Variants in ANK3 observed in about 807,000 individuals in gnomAD.
ANK3 encodes the protein ankyrin 3, also known as ankyrin-3.
A neutral mutation model predicts 370.9 loss-of-function variants in ANK3; 57 were observed. That is an observed-to-expected ratio of 0.15 (90% CI 0.12 to 0.19). ANK3 has a LOEUF of 0.19. Among genes scored for constraint, ANK3 ranks in the 10% least tolerant of loss-of-function variants. The pLI, the probability that ANK3 is intolerant of heterozygous loss-of-function variation, is 1.00. For synonymous variants in ANK3, 1,929 were observed against 1,946.3 expected (o/e 0.99, Z 0.23); for missense variants, 4,439 against 5,302.1 (o/e 0.84, Z 5.06).
At chr10:60,238,765 A>G (rs1156763321) in intron 7 of ANK3, among the ~76,000 whole-genome samples, 1 of 152,032 alleles carries the variant, frequency 6.6e-6, no homozygotes, top group African/African-American at 2.4e-5. Context: ...ACTCAGCTCA[A>G]CTCCTGCCAA....
chr10:60,441,716 C>T (rs2064303690), intron 2 of ANK3, among the ~76,000 whole-genome samples: 1 of 152,110 alleles, frequency 6.6e-6, no homozygotes, highest in Admixed American at 6.5e-5. Context: ...ACAACACTTC[C>T]CTCTAGTGTT....
At chr10:60,251,277 G>A (rs111845347) in intron 7 of ANK3, among the ~76,000 whole-genome samples, 2 of 152,074 alleles carry the variant, frequency 1.3e-5, no homozygotes, top group Admixed American at 1.3e-4. Flanking sequence ...CGCTCTCTGG[G>A]GTGCATTGCT....
At chr10:60,060,105 A>G (rs1253333981) in intron 40 of ANK3, 1 of 854,002 alleles carries the variant, frequency 1.2e-6, no homozygotes, top group Non-Finnish European at 1.7e-6. Flanking sequence ...TGAAAAATGT[A>G]TGATGAATTA....
chr10:60,607,445 C>A (rs926115763), intron 2 of ANK3, among the ~76,000 whole-genome samples: 2 of 152,132 alleles, frequency 1.3e-5, no homozygotes, highest in South Asian at 4.1e-4. Context: ...GAGGCTGAAT[C>A]CAGCCCAGAA....
intron 2 of ANK3, among the ~76,000 whole-genome samples, chr10:60,549,276 C>T (rs964122605): frequency 6.6e-6 from 1 of 151,986 alleles, no homozygotes; most frequent in African/African-American, 2.4e-5. Flanking sequence ...AAATAGGTTT[C>T]AAAAGCTGTA....
At chr10:60,712,776 T>G (rs2079727835) in intron 1 of ANK3, among the ~76,000 whole-genome samples, 1 of 152,152 alleles carries the variant, frequency 6.6e-6, no homozygotes, top group Admixed American at 6.5e-5. Context: ...AGATACACCA[T>G]GCTAACATGA....
chr10:60,438,677 C>G (rs1446860158), intron 2 of ANK3, among the ~76,000 whole-genome samples: 1 of 152,158 alleles, frequency 6.6e-6, no homozygotes, highest in Non-Finnish European at 1.5e-5. Flanking sequence ...CAGTACAAAA[C>G]CTCAATGGAG....
chr10:60,529,507 G>A (rs758555858), intron 2 of ANK3, among the ~76,000 whole-genome samples: 25 of 152,130 alleles, frequency 1.6e-4, no homozygotes, highest in Non-Finnish European at 3.1e-4. Flanking sequence ...ATGTTTGGGG[G>A]CTCAGGTGCA....
intron 4 of ANK3, among the ~76,000 whole-genome samples, 196 bp from the exon 5 acceptor site, chr10:60,270,425 T>C (rs962456510): frequency 2.0e-5 from 3 of 152,198 alleles, no homozygotes; most frequent in Non-Finnish European, 2.9e-5. Flanking sequence ...AATTCAAAAT[T>C]ATATTTCATA....
At chr10:60,461,361 G>T (rs2064879166) in intron 2 of ANK3, among the ~76,000 whole-genome samples, 1 of 152,120 alleles carries the variant, frequency 6.6e-6, no homozygotes, top group Non-Finnish European at 1.5e-5. Flanking sequence ...AATAAGTAAT[G>T]CTTTACAGTT....
chr10:60,062,844 T>A (rs1206402510), intron 40 of ANK3: 1 of 248,872 alleles, frequency 4.0e-6, no homozygotes. Context: ...ATTTAACTTT[T>A]ATGAAATATT....
intron 1 of ANK3, among the ~76,000 whole-genome samples, chr10:60,646,914 A>T (rs1291835451): frequency 6.6e-6 from 1 of 152,100 alleles, no homozygotes; most frequent in Non-Finnish European, 1.5e-5. Flanking sequence ...CACATATGAA[A>T]CTTTCTAATA....
intron 2 of ANK3, among the ~76,000 whole-genome samples, chr10:60,395,580 C>T (rs898576137): frequency 1.6e-5 from 2 of 126,118 alleles, no homozygotes; most frequent in Non-Finnish European, 3.3e-5. Flanking sequence ...TTCTTTCTTT[C>T]TTTCTTTCTT....
upstream of ANK3, among the ~76,000 whole-genome samples, chr10:60,391,358 T>C (rs528478595): frequency 3.3e-5 from 5 of 152,102 alleles, no homozygotes; most frequent in African/African-American, 9.6e-5. Flanking sequence ...TGGAGAAAAA[T>C]GAAGGTGGGG....
At chr10:60,425,185 C>G (rs528493185) in intron 2 of ANK3, among the ~76,000 whole-genome samples, 1 of 152,096 alleles carries the variant, frequency 6.6e-6, no homozygotes, top group South Asian at 2.1e-4. Context: ...AGGAAGGCTG[C>G]ATTGTTCCCG....
intron 18 of ANK3, among the ~76,000 whole-genome samples, chr10:60,175,341 A>G (rs1383713167): frequency 1.3e-5 from 2 of 152,230 alleles, no homozygotes; most frequent in East Asian, 1.9e-4. Context: ...CAGCATTCCC[A>G]TACAAAATAG....
At chr10:60,230,342 C>T (rs1029377630) in intron 8 of ANK3, among the ~76,000 whole-genome samples, 3 of 152,128 alleles carry the variant, frequency 2.0e-5, no homozygotes, top group South Asian at 2.1e-4. Context: ...TATAAAGAAA[C>T]GAAGCCATTG....
At chr10:60,714,007 A>T (rs1265130642) in intron 1 of ANK3, among the ~76,000 whole-genome samples, 1 of 152,150 alleles carries the variant, frequency 6.6e-6, no homozygotes, top group African/African-American at 2.4e-5. Flanking sequence ...GCTAACCCAG[A>T]AAAAGAAAAG....
chr10:60,113,997 C>T (rs867361434), intron 26 of ANK3, among the ~76,000 whole-genome samples: 2 of 148,472 alleles, frequency 1.3e-5, no homozygotes, highest in Admixed American at 6.8e-5. Flanking sequence ...CTAGTAATTT[C>T]ATTATTTTTC....
Sources: gnomAD v4.1 joint callset for allele counts (sites outside exome capture counted in the v4.1 genomes callset) on GRCh38, gnomAD v4.1.1 for gene constraint, MANE v1.5 for transcripts, NCBI Gene and HGNC (gene_info 2026-07-23, HGNC 2026-07-21) for gene names.